The following FAM107B variants were observed in gnomAD, a reference collection of about 807,000 sequenced individuals.
The protein encoded by FAM107B is family with sequence similarity 107 member B.
FAM107B carries 21 observed loss-of-function variants against 31.5 expected under a neutral mutation model. The observed-to-expected ratio is 0.67, with a 90% CI of 0.47 to 0.96. The LOEUF is 0.96. FAM107B is among the 40% of genes least tolerant of loss of function. FAM107B has a pLI of 0.00. For missense variants in FAM107B, 452 were observed against 377.1 expected (o/e 1.20, Z -1.64); for synonymous variants, 157 against 141.5 (o/e 1.11, Z -0.78).
At chr10:14,575,002 T>G (rs1851418524) in intron 2 of FAM107B, among the ~76,000 whole-genome samples, 1 of 152,200 alleles carries the variant, frequency 6.6e-6, no homozygotes, top group Non-Finnish European at 1.5e-5. Context: ...TCTTTCATAC[T>G]GACCTTTAAT....
chr10:14,759,091 C>T (rs1832988634), intron 1 of FAM107B, among the ~76,000 whole-genome samples: 1 of 151,418 alleles, frequency 6.6e-6, no homozygotes, highest in South Asian at 2.1e-4. Context: ...GGCAGGAAAT[C>T]GCTTGAACCC....
intron 2 of FAM107B, among the ~76,000 whole-genome samples, chr10:14,633,761 T>C (rs910044203): frequency 1.3e-5 from 2 of 152,188 alleles, no homozygotes; most frequent in African/African-American, 2.4e-5. Context: ...ACCTGACAAC[T>C]TTTTTTCATA....
chr10:14,531,871 T>A (rs1847057923), intron 2 of FAM107B, among the ~76,000 whole-genome samples: 1 of 152,072 alleles, frequency 6.6e-6, no homozygotes, highest in Non-Finnish European at 1.5e-5. Flanking sequence ...GAATGAAACG[T>A]ATATATATTG....
At chr10:14,685,226 G>A (rs779063155) in intron 1 of FAM107B, among the ~76,000 whole-genome samples, 5 of 147,358 alleles carry the variant, frequency 3.4e-5, no homozygotes, top group Non-Finnish European at 5.9e-5. Context: ...AGAGCTCACC[G>A]CAACCTCCAA....
chr10:14,527,184 C>CAA (rs200742738), intron 3 of FAM107B, among the ~76,000 whole-genome samples: 3,588 of 124,360 alleles, frequency 0.029, 98 homozygotes, highest in East Asian at 0.16. Flanking sequence ...ATCTTTTAAC[C>CAA]AAAAAAAAAA....
intron 2 of FAM107B, among the ~76,000 whole-genome samples, chr10:14,608,258 T>C (rs978191859): frequency 6.6e-6 from 1 of 152,244 alleles, no homozygotes; most frequent in Non-Finnish European, 1.5e-5. Flanking sequence ...TACGTGGACA[T>C]TTGAATCGTA....
In FAM107B at chr10:14,715,366, C is replaced by A. The variant is rs192946722; in HGVS notation, c.412-47675G>T. ...CAAAGGAATCTTACAGGATAGAAAA[C>A]AAAAATACACAGAAAGATTAGTAAG... On this transcript the variant is annotated intron_variant, in intron 1 of 4. Transcript: ENST00000181796. 7.5e-4 allele frequency among the ~76,000 whole-genome samples: 114 copies of A among 152,080 alleles called. 1 individual carries two copies. In the East Asian group the frequency reaches 0.021, roughly 29 times the overall value.
At chr10:14,541,119 C>T (rs1848149369) in intron 2 of FAM107B, among the ~76,000 whole-genome samples, 2 of 152,166 alleles carry the variant, frequency 1.3e-5, no homozygotes, top group African/African-American at 4.8e-5. Flanking sequence ...ATAAACGCAT[C>T]TGAAAATCGC....
chr10:14,753,828 A>C (rs1832876026), intron 1 of FAM107B, among the ~76,000 whole-genome samples: 1 of 152,138 alleles, frequency 6.6e-6, no homozygotes, highest in Non-Finnish European at 1.5e-5. Flanking sequence ...TGTTTCCCCA[A>C]ATTTCAACAT....
intron 1 of FAM107B, chr10:14,723,515 C>T: frequency 3.3e-6 from 2 of 612,444 alleles, no homozygotes; most frequent in Non-Finnish European, 3.0e-6. Flanking sequence ...CACAAAACTT[C>T]CCAGGCCAGC....
At chr10:14,771,052 G>T (rs1177560152) in intron 1 of FAM107B, among the ~76,000 whole-genome samples, 1 of 149,710 alleles carries the variant, frequency 6.7e-6, no homozygotes, top group African/African-American at 2.5e-5. Context: ...GAGGATCAGT[G>T]CATCCAAAAG....
intron 2 of FAM107B, among the ~76,000 whole-genome samples, chr10:14,591,291 C>T (rs1852011399): frequency 6.6e-6 from 1 of 152,202 alleles, no homozygotes; most frequent in African/African-American, 2.4e-5. Flanking sequence ...AGAGTTAGCA[C>T]ATATGCACAG....
intron 1 of FAM107B, among the ~76,000 whole-genome samples, chr10:14,751,731 C>A (rs1564287553): frequency 6.6e-6 from 1 of 152,048 alleles, no homozygotes; most frequent in African/African-American, 2.4e-5. Context: ...GATCTATCGA[C>A]CCTACACAGC....
At chr10:14,590,570 C>A (rs1017627619) in intron 2 of FAM107B, among the ~76,000 whole-genome samples, 6 of 152,178 alleles carry the variant, frequency 3.9e-5, no homozygotes, top group African/African-American at 1.4e-4. Flanking sequence ...AAATTAAATT[C>A]ATTCGCTACG....
chr10:14,651,313 T>C (rs1302128032), intron 2 of FAM107B, among the ~76,000 whole-genome samples: 1 of 152,186 alleles, frequency 6.6e-6, no homozygotes, highest in Non-Finnish European at 1.5e-5. Flanking sequence ...GGATAAGATA[T>C]ATCCACACAT....
intron 2 of FAM107B, chr10:14,612,421 A>T: frequency 6.6e-6 from 1 of 152,196 alleles, no homozygotes; most frequent in East Asian, 1.9e-4. Context: ...AGGTTTTGCA[A>T]TTCTCCTTGT....
intron 1 of FAM107B, among the ~76,000 whole-genome samples, chr10:14,710,441 C>CAT (rs1263043877): frequency 5.7e-5 from 2 of 35,078 alleles, no homozygotes; most frequent in African/African-American, 1.7e-4. Flanking sequence ...TACACACACA[C>CAT]ACACACACAC....
intron 1 of FAM107B, among the ~76,000 whole-genome samples, chr10:14,668,942 A>G (rs142152993): frequency 1.8e-3 from 276 of 152,328 alleles, no homozygotes; most frequent in African/African-American, 6.3e-3. Flanking sequence ...CCAGAGTGAA[A>G]AAATTGAATT....
At position 14,600,666 on chromosome 10, in the gene FAM107B, C is replaced by T. The variant is rs536009651; in HGVS notation, c.469+66968G>A. 7.6e-4 allele frequency among the ~76,000 whole-genome samples: 115 copies of T among 152,280 alleles called. 1 individual carries two copies. The South Asian group carries it at 0.016, about 21-fold the overall frequency. ...TGTATATGTATTTTTTAGCGACAGG[C>T]TCTCACTCTGTCACCCAGACTGGAG... is the stretch of plus-strand genomic sequence containing the variant. On this transcript the variant is annotated intron_variant, in intron 2 of 4. Coordinates refer to ENST00000181796, the MANE Select transcript of FAM107B (RefSeq NM_031453.4).
Sources: gnomAD v4.1 joint callset for allele counts (sites outside exome capture counted in the v4.1 genomes callset) on GRCh38, gnomAD v4.1.1 for gene constraint, MANE v1.5 for transcripts, NCBI Gene and HGNC (gene_info 2026-07-23, HGNC 2026-07-21) for gene names.